Variants in SPPL3 observed in about 807,000 individuals in gnomAD.
SPPL3 encodes signal peptide peptidase like 3, also known as signal peptide peptidase-like 3.
SPPL3 carries 5 observed loss-of-function variants against 42.4 expected under a neutral mutation model. That is an observed-to-expected ratio of 0.12 (90% CI 0.06 to 0.25). The LOEUF is 0.25. Among genes scored for constraint, SPPL3 ranks in the 10% least tolerant of loss-of-function variants. SPPL3 has a pLI of 1.00. For missense variants in SPPL3, 235 were observed against 489.0 expected (o/e 0.48, Z 4.90); for synonymous variants, 195 against 181.8 (o/e 1.07, Z -0.58).
intron 3 of SPPL3, among the ~76,000 whole-genome samples, chr12:120,789,668 T>C (rs549187071): frequency 1.3e-5 from 2 of 150,540 alleles, no homozygotes; most frequent in South Asian, 4.2e-4. Context: ...CTACTAAAAA[T>C]ACAAAAATTA....
chr12:120,836,968 A>G (rs1871640511), intron 1 of SPPL3, among the ~76,000 whole-genome samples: 1 of 148,308 alleles, frequency 6.7e-6, no homozygotes, highest in Admixed American at 7.1e-5. Context: ...AACCAGGCAA[A>G]GAGCACATGA....
chr12:120,787,710 GAC>G (rs1188502347), intron 3 of SPPL3, among the ~76,000 whole-genome samples: 2 of 152,052 alleles, frequency 1.3e-5, no homozygotes, highest in Non-Finnish European at 2.9e-5. Flanking sequence ...TGACTTTTAT[GAC>G]ACGTTTTCCA....
At chr12:120,895,380 T>C (rs1279950011) in intron 1 of SPPL3, among the ~76,000 whole-genome samples, 2 of 150,238 alleles carry the variant, frequency 1.3e-5, no homozygotes, top group East Asian at 3.9e-4. Context: ...TGAGCCAAGA[T>C]CGCGCCACTG....
intron 1 of SPPL3, among the ~76,000 whole-genome samples, chr12:120,888,151 CT>C (rs1873520491): frequency 6.6e-6 from 1 of 152,226 alleles, no homozygotes; most frequent in South Asian, 2.1e-4. Context: ...TCTCTGCTCA[CT>C]GCAACCTCTG....
At chr12:120,903,774 C>G (rs141191125) in intron 1 of SPPL3, 71 bp downstream of exon 1, 37,164 of 1,254,574 alleles carry the variant, frequency 0.03, 727 homozygotes, top group South Asian at 0.049. Context: ...TCCTCTTCCC[C>G]TCGGCGGGCC....
At chr12:120,772,547 T>C (rs1869162599) in intron 6 of SPPL3, among the ~76,000 whole-genome samples, 1 of 152,332 alleles carries the variant, frequency 6.6e-6, no homozygotes, top group African/African-American at 2.4e-5. Context: ...CAAAACTGTG[T>C]TCTATTAACT....
At chr12:120,892,639 T>C (rs892387057) in intron 1 of SPPL3, among the ~76,000 whole-genome samples, 1 of 152,152 alleles carries the variant, frequency 6.6e-6, no homozygotes, top group Admixed American at 6.5e-5. Flanking sequence ...AGAGGGTAGA[T>C]TTTATATTCC....
At chr12:120,826,990 A>G (rs1871247801) in intron 1 of SPPL3, among the ~76,000 whole-genome samples, 1 of 152,114 alleles carries the variant, frequency 6.6e-6, no homozygotes, top group Admixed American at 6.6e-5. Flanking sequence ...GGTAGCTGTA[A>G]AGGGTGCTGG....
intron 1 of SPPL3, among the ~76,000 whole-genome samples, chr12:120,832,328 A>G (rs1871451215): frequency 6.6e-6 from 1 of 152,160 alleles, no homozygotes; most frequent in African/African-American, 2.4e-5. Context: ...TCTGACTCTA[A>G]TATTAAAAAA....
chr12:120,891,358 G>C (rs1289444020), intron 1 of SPPL3, among the ~76,000 whole-genome samples: 3 of 151,978 alleles, frequency 2.0e-5, no homozygotes, highest in Admixed American at 1.3e-4. Context: ...ATTTAATTCT[G>C]ACCTAAGATT....
At chr12:120,843,230 C>T (rs916676198) in intron 1 of SPPL3, among the ~76,000 whole-genome samples, 2 of 152,152 alleles carry the variant, frequency 1.3e-5, no homozygotes, top group Non-Finnish European at 2.9e-5. Flanking sequence ...ATAAAAAGTA[C>T]GTTTGCTATC....
intron 2 of SPPL3, among the ~76,000 whole-genome samples, chr12:120,808,459 T>C (rs766248582): frequency 2.6e-5 from 4 of 152,224 alleles, no homozygotes; most frequent in Non-Finnish European, 5.9e-5. Context: ...TTACATAAAA[T>C]TTGGTTTAAA....
At chr12:120,783,632 T>C in intron 5 of SPPL3, 42 bp downstream of exon 5, 2 of 1,525,896 alleles carry the variant, frequency 1.3e-6, no homozygotes, top group East Asian at 2.3e-5. Flanking sequence ...CAGAAAAATA[T>C]ATACAAGTTT....
chr12:120,889,037 C>G (rs1873551593), intron 1 of SPPL3, among the ~76,000 whole-genome samples: 1 of 152,118 alleles, frequency 6.6e-6, no homozygotes, highest in Non-Finnish European at 1.5e-5. Context: ...TGGTCTTGAA[C>G]CCCTGACCTC....
chr12:120,790,218 T>C lies in SPPL3; in HGVS notation c.190+1251A>G, dbSNP rs943961710. Among the ~76,000 whole-genome samples the C allele has an allele frequency of 3.9e-5, 6 of 152,246 alleles. No homozygotes were observed. In the East Asian group the frequency reaches 1.2e-3, roughly 29 times the overall value. Reference sequence around the variant, plus strand: ...TTATATCATACAAGGATCCATGTCATAAATTTAAGAAAAGACTCATTATAT... The same window carrying C: ...TTATATCATACAAGGATCCATGTCACAAATTTAAGAAAAGACTCATTATAT... On this transcript the variant is annotated intron_variant, in intron 3 of 10. Coordinates refer to ENST00000353487, the MANE Select transcript of SPPL3 (RefSeq NM_139015.5).
chr12:120,825,734 A>G (rs368559258), intron 1 of SPPL3, among the ~76,000 whole-genome samples: 10 of 152,348 alleles, frequency 6.6e-5, no homozygotes, highest in South Asian at 2.1e-4. Context: ...AGTAAAAATC[A>G]TAAGAGTCTA....
intron 2 of SPPL3, among the ~76,000 whole-genome samples, chr12:120,805,294 C>T (rs923523735): frequency 7.9e-5 from 12 of 152,140 alleles, no homozygotes; most frequent in African/African-American, 2.9e-4. Flanking sequence ...ACAGGATCAA[C>T]TCAATAGAAG....
At chr12:120,770,813 C>T (rs1219368467) in intron 6 of SPPL3, among the ~76,000 whole-genome samples, 1 of 152,158 alleles carries the variant, frequency 6.6e-6, no homozygotes, top group African/African-American at 2.4e-5. Context: ...TTTTAATTTC[C>T]AGCCTGAATC....
chr12:120,899,191 T>G, intron 1 of SPPL3, among the ~76,000 whole-genome samples: 1 of 152,262 alleles, frequency 6.6e-6, no homozygotes. Context: ...AAGATTCTGA[T>G]GTTACTACCA....
Sources: gnomAD v4.1 joint callset for allele counts (sites outside exome capture counted in the v4.1 genomes callset) on GRCh38, gnomAD v4.1.1 for gene constraint, MANE v1.5 for transcripts, NCBI Gene and HGNC (gene_info 2026-07-23, HGNC 2026-07-21) for gene names.